The following CANX variants were observed in gnomAD, a reference collection of about 807,000 sequenced individuals.
CANX encodes calnexin.
CANX carries 14 observed loss-of-function variants against 75.7 expected under a neutral mutation model. That is an observed-to-expected ratio of 0.19 (90% CI 0.12 to 0.29). The LOEUF is 0.29. Among genes scored for constraint, CANX ranks in the 10% least tolerant of loss-of-function variants. CANX has a pLI of 1.00. For missense variants in CANX, 567 were observed against 713.2 expected, an observed-to-expected ratio of 0.79 and a Z score of 2.34; for synonymous variants, 227 against 236.9, an observed-to-expected ratio of 0.96 and a Z score of 0.38.
intron 8 of CANX, 32 bp downstream of exon 8, chr5:179,716,326 G>A (rs1399827213): frequency 2.0e-6 from 3 of 1,535,300 alleles, no homozygotes; most frequent in East Asian, 2.2e-5. Flanking sequence ...TCAAGTGTAA[G>A]GGAGCATTTC....
chr5:179,708,849 A>G, intron 5 of CANX, 129 bp from the exon 6 acceptor site: 1 of 506,420 alleles, frequency 2.0e-6, no homozygotes, highest in Non-Finnish European at 3.6e-6. Context: ...AGAAGATGGA[A>G]TCCTTTGTAA....
upstream of CANX, among the ~76,000 whole-genome samples, chr5:179,696,263 A>AT (rs1776400834): frequency 3.8e-5 from 4 of 105,484 alleles, no homozygotes; most frequent in African/African-American, 1.2e-4. Flanking sequence ...AGAAAGTGTC[A>AT]TTTCTTTTTT....
chr5:179,718,606 A>G (rs536062725), intron 8 of CANX, among the ~76,000 whole-genome samples: 1 of 150,882 alleles, frequency 6.6e-6, no homozygotes, highest in East Asian at 2.0e-4. Context: ...TTGGCTCACC[A>G]CAACCTCTGC....
upstream of CANX, chr5:179,698,358 C>A (rs1776482931): frequency 2.6e-6 from 3 of 1,167,268 alleles, no homozygotes; most frequent in South Asian, 1.5e-5. Context: ...GCTGCGCAGG[C>A]TCCTGGGCCG....
chr5:179,727,850 T>A (rs891061623), intron 14 of CANX, among the ~76,000 whole-genome samples: 1 of 152,126 alleles, frequency 6.6e-6, no homozygotes, highest in African/African-American at 2.4e-5. Context: ...ATATAGAGTA[T>A]GAGAGAAAGG....
intron 7 of CANX, among the ~76,000 whole-genome samples, chr5:179,714,426 A>C (rs1205830768): frequency 6.6e-6 from 1 of 152,252 alleles, no homozygotes; most frequent in African/African-American, 2.4e-5. Context: ...AAATTATCTT[A>C]AACATCAGCA....
intron 7 of CANX, among the ~76,000 whole-genome samples, chr5:179,713,041 T>A (rs1581870178): frequency 6.6e-6 from 1 of 152,138 alleles, no homozygotes; most frequent in Non-Finnish European, 1.5e-5. Context: ...AGTGCTGGGA[T>A]TACAGGTGTG....
chr5:179,721,369 C>T (rs1171380944), intron 10 of CANX, among the ~76,000 whole-genome samples: 1 of 152,244 alleles, frequency 6.6e-6, no homozygotes, highest in Non-Finnish European at 1.5e-5. Flanking sequence ...GGGTTTCAGG[C>T]GGGAGCCACT....
At chr5:179,698,548 C>G (rs974596398), upstream of CANX, 1 of 1,289,426 alleles carries the variant, frequency 7.8e-7, no homozygotes, top group East Asian at 5.5e-5. Context: ...TGCCGTTTGC[C>G]CCGTCAGCGA....
At chr5:179,692,405 C>G (rs1376872447) in intron 1 of CANX, among the ~76,000 whole-genome samples, 2 of 151,966 alleles carry the variant, frequency 1.3e-5, no homozygotes, top group Non-Finnish European at 2.9e-5. Context: ...AAAAGAGCCC[C>G]CGGTTTAAAA....
chr5:179,716,043 T>C (rs961450981), intron 7 of CANX, 62 bp from the exon 8 acceptor site: 13 of 1,200,670 alleles, frequency 1.1e-5, no homozygotes, highest in Non-Finnish European at 1.6e-5. Context: ...TGATCTTTTG[T>C]ATTATGGTAA....
intron 9 of CANX, 93 bp downstream of exon 9, chr5:179,719,874 T>G: frequency 1.4e-6 from 1 of 709,474 alleles, no homozygotes; most frequent in Non-Finnish European, 2.4e-6. Flanking sequence ...CAGGCTGGAG[T>G]TCAGTGGCGC....
intron 13 of CANX, among the ~76,000 whole-genome samples, chr5:179,725,680 C>CAA (rs765657918): frequency 4.0e-4 from 17 of 42,286 alleles, no homozygotes; most frequent in Admixed American, 8.1e-4. Flanking sequence ...GACTCTGTCT[C>CAA]AAAAAAAAAA....
intron 7 of CANX, among the ~76,000 whole-genome samples, chr5:179,715,633 AG>A (rs1244316179): frequency 2.6e-5 from 4 of 152,228 alleles, no homozygotes; most frequent in Non-Finnish European, 4.4e-5. Flanking sequence ...TAGAATCATG[AG>A]TGGACATGCG....
chr5:179,681,192 AC>A (rs1776055029), intron 1 of CANX, among the ~76,000 whole-genome samples: 1 of 152,156 alleles, frequency 6.6e-6, no homozygotes, highest in Non-Finnish European at 1.5e-5. Context: ...TTGAGCACCT[AC>A]TGTGTTCTAG....
At chr5:179,709,682 A>G in intron 6 of CANX, 191 bp from the exon 7 acceptor site, 1 of 461,374 alleles carries the variant, frequency 2.2e-6, no homozygotes, top group East Asian at 3.6e-5. Flanking sequence ...TTAGACACTT[A>G]AACGTTATTT....
Position 179,679,168 on chromosome 5 carries a change from G to T in CANX, c.-4+391G>T, listed in dbSNP as rs1461187293. The T allele has an allele frequency of 2.0e-6, 3 of 1,535,342 alleles. No homozygotes were observed. The South Asian group carries it at 3.6e-5, about 18-fold the overall frequency. On this transcript the variant is annotated intron_variant, in intron 1 of 14. Coordinates refer to the CANX transcript ENST00000681674. Reference sequence around the variant, plus strand: ...CGTGGACCTTGTAGGGCACGCAGGTGCTCGAAGGGGAGCCTCGGGAGCGCT... The same window carrying T: ...CGTGGACCTTGTAGGGCACGCAGGTTCTCGAAGGGGAGCCTCGGGAGCGCT...
chr5:179,713,498 A>G (rs1202374973), intron 7 of CANX, among the ~76,000 whole-genome samples: 5 of 152,232 alleles, frequency 3.3e-5, no homozygotes, highest in African/African-American at 1.2e-4. Flanking sequence ...GTTAATTGGT[A>G]CAGAAATAAG....
chr5:179,729,008 A>G lies in CANX; in HGVS notation c.*364A>G, dbSNP rs564169084. On this transcript the variant is annotated 3_prime_UTR_variant, in exon 15 of 15. Coordinates refer to ENST00000247461, the MANE Select transcript of CANX (RefSeq NM_001746.4). ...AATGTATTAATCTGTTTGTGCAAAC[A>G]TAATACCACCATTTAAAAATGTTAG... 2 of 277,962 alleles carry G rather than the reference A, an allele frequency of 7.2e-6. No individual in the cohort carries two copies. The highest frequency in any genetic ancestry group is 1.1e-4 in the East Asian group (1 of 9,216). The allele number at this position is 277,962 out of a possible 1,614,324, so 17.2% of individuals were successfully genotyped here. A position where few individuals can be genotyped will look rare whatever the true frequency, so the allele number is the denominator to read the frequency against.
Sources: gnomAD v4.1 joint callset for allele counts (sites outside exome capture counted in the v4.1 genomes callset) on GRCh38, gnomAD v4.1.1 for gene constraint, MANE v1.5 for transcripts, NCBI Gene and HGNC (gene_info 2026-07-23, HGNC 2026-07-21) for gene names.